The following DBN1 variants were observed in gnomAD, a reference collection of about 807,000 sequenced individuals.
DBN1 encodes the protein drebrin 1, also known as drebrin.
Under a neutral mutation model 83.5 loss-of-function variants are expected in DBN1, and 21 were observed. The ratio of observed to expected loss-of-function variants is 0.25; its 90% CI spans 0.18 to 0.36. The LOEUF is 0.36. DBN1 is among the 10% of genes least tolerant of loss of function. The probability of loss-of-function intolerance (pLI) is 1.00; values close to 1 mark genes in which losing one functional copy is unlikely to be tolerated. For synonymous variants in DBN1, 381 were observed against 384.9 expected, an observed-to-expected ratio of 0.99 and a Z score of 0.12; for missense variants, 874 against 935.7, an observed-to-expected ratio of 0.93 and a Z score of 0.86.
chr5:177,469,781 C>G (rs1359628104), intron 1 of DBN1, among the ~76,000 whole-genome samples: 1 of 152,200 alleles, frequency 6.6e-6, no homozygotes, highest in African/African-American at 2.4e-5. Flanking sequence ...TCACCCCATG[C>G]AGGCCCAGGC....
In DBN1 at chr5:177,459,320, C is replaced by T. The variant is rs770982243; in HGVS notation, c.1094-52G>A. 43 of 1,580,580 alleles carry T rather than the reference C, an allele frequency of 2.7e-5. No individual in the cohort carries two copies. In the South Asian group the frequency reaches 4.3e-4, roughly 16 times the overall value. On this transcript the variant is annotated intron_variant, in intron 11 of 14. Coordinates refer to ENST00000393565, the MANE Select transcript of DBN1 (RefSeq NM_001363541.2). ...GTGAGGGCGGGGGAGCCGGGTGAGA[C>T]AGGATTGTCCACCTTGGGGCCTGGC...
intron 8 of DBN1, among the ~76,000 whole-genome samples, chr5:177,464,545 G>A (rs1757275428): frequency 6.6e-6 from 1 of 151,778 alleles, no homozygotes; most frequent in African/African-American, 2.4e-5. Flanking sequence ...AGATCATGAG[G>A]TTAAGAGATC....
intron 8 of DBN1, among the ~76,000 whole-genome samples, chr5:177,464,680 G>A (rs1757297578): frequency 1.3e-5 from 2 of 152,014 alleles, no homozygotes. Context: ...GGTGGCTCAT[G>A]CCTGTAATCC....
intron 1 of DBN1, chr5:177,472,942 T>TC (rs1757955060): frequency 1.7e-6 from 1 of 594,196 alleles, no homozygotes; most frequent in Admixed American, 6.3e-5. Context: ...GCTCCGCTCC[T>TC]CCCCCGCCCT....
chr5:177,469,222 T>C (rs1757679488), intron 1 of DBN1, among the ~76,000 whole-genome samples: 1 of 152,100 alleles, frequency 6.6e-6, no homozygotes, highest in South Asian at 2.1e-4. Flanking sequence ...AAGGCGACGG[T>C]TCCTTGGTTA....
At position 177,460,716 on chromosome 5, in the gene DBN1, G is replaced by A; in HGVS notation, c.772-13C>T. ...CCCGATGGTCACCCTAGAAACCAAA[G>A]GGACAGTGTCTGGTGCACCTACCCC... is the stretch of plus-strand genomic sequence containing the variant. On this transcript the variant is annotated splice_polypyrimidine_tract_variant and intron_variant, in intron 8 of 14. Coordinates refer to ENST00000393565, the MANE Select transcript of DBN1 (RefSeq NM_001363541.2). The A allele has an allele frequency of 6.2e-7, 1 of 1,613,382 alleles. No individual in the cohort carries two copies. The highest frequency in any genetic ancestry group is 1.3e-5 in the African/African-American group (1 of 75,010).
chr5:177,464,806 G>T (rs1481373716), intron 8 of DBN1, among the ~76,000 whole-genome samples: 1 of 151,868 alleles, frequency 6.6e-6, no homozygotes, highest in African/African-American at 2.4e-5. Flanking sequence ...CAGGCGTGGT[G>T]GTGGGCGCCT....
At position 177,466,830 on chromosome 5, in the gene DBN1, T is replaced by A. The variant is rs200998763; in HGVS notation, c.713A>T (p.Lys238Ile). The change falls in exon 8 of 15, where the codon AAA becomes ATA. Residue 238 changes from lysine to isoleucine, a missense_variant. By Grantham distance (102) the Lys-to-Ile change is moderately radical (BLOSUM62 -3). Around this residue, in one of 4 missense-constraint regions of DBN1, gnomAD observed 725 missense variants for 719.7 expected, o/e 1.01. Coordinates refer to ENST00000393565, the MANE Select transcript of DBN1 (RefSeq NM_001363541.2). The surrounding 1 kb of genome is among the most constrained non-coding windows in gnomAD (Gnocchi z 4.8). ...REQQIEEHRR[K>I]QQTLEAEEAK... ...CTCTTCCGCTTCTAAAGTCTGCTGT[T>A]TCCTCCTGGAACGATAAGCAGCCAG... The A allele has an allele frequency of 1.2e-6, 2 of 1,614,088 alleles. No homozygotes were observed. Among genetic ancestry groups the A allele is most frequent in the African/African-American group, 2.7e-5 (2 of 75,028 alleles).
At chr5:177,465,790 G>A (rs931034334) in intron 8 of DBN1, among the ~76,000 whole-genome samples, 5 of 151,426 alleles carry the variant, frequency 3.3e-5, no homozygotes, top group Admixed American at 3.3e-4. Context: ...GGGAGATGGA[G>A]GTTGCAGTGA....
chr5:177,465,283 T>C (rs1454419912), intron 8 of DBN1, among the ~76,000 whole-genome samples: 1 of 152,264 alleles, frequency 6.6e-6, no homozygotes, highest in Non-Finnish European at 1.5e-5. Flanking sequence ...TGCTACAACA[T>C]GGATGAATCT....
At chr5:177,463,709 TAA>T (rs1255955781) in intron 8 of DBN1, among the ~76,000 whole-genome samples, 1 of 152,242 alleles carries the variant, frequency 6.6e-6, no homozygotes, top group African/African-American at 2.4e-5. Context: ...GATGGGACTA[TAA>T]AATAATGGTA....
rs773980990 is a variant in DBN1 at position 177,466,922 on chromosome 5, G to A, written c.696C>T (p.Ile232=). 1.9e-6 allele frequency: 3 copies of A among 1,612,824 alleles called. No individual in the cohort carries two copies. The highest frequency in any genetic ancestry group is 2.5e-6 in the Non-Finnish European group (3 of 1,179,756). The part of the protein sequence containing the change: ...ERRYREREQQ[I]EEHRRKQQTL... ...GCGGGCAGGCTCACCTGTGCTCCTC[G>A]ATCTGCTGCTCCCGCTCCCGGTAGC... The change falls in exon 7 of 15, where the codon ATC becomes ATT. Residue 232 remains isoleucine (I), a synonymous_variant. Coordinates refer to ENST00000393565, the MANE Select transcript of DBN1 (RefSeq NM_001363541.2). The surrounding 1 kb of genome is among the most constrained non-coding windows in gnomAD (Gnocchi z 4.8).
At position 177,466,809 on chromosome 5, in the gene DBN1, T is replaced by G. The variant is rs750201392; in HGVS notation, c.734A>C (p.Glu245Ala). 4 of 1,614,124 alleles carry G rather than the reference T, an allele frequency of 2.5e-6. No homozygotes were observed. The highest frequency in any genetic ancestry group is 3.4e-6 in the Non-Finnish European group (4 of 1,179,992). Residue 245 changes from glutamate (E) to alanine (A), a missense_variant, in exon 8 of 15, where the codon GAA becomes GCA. Around this residue, in one of 4 missense-constraint regions of DBN1, gnomAD observed 725 missense variants for 719.7 expected, o/e 1.01. Coordinates refer to ENST00000393565, the MANE Select transcript of DBN1 (RefSeq NM_001363541.2). The surrounding 1 kb of genome is among the most constrained non-coding windows in gnomAD (Gnocchi z 4.8). ...HRRKQQTLEA[E>A]EAKRRLKEQS... ...CTCCTTCAACCGCCTCTTGGCCTCTTCCGCTTCTAAAGTCTGCTGTTTCCT... is the reference window on the plus strand; with the variant it reads ...CTCCTTCAACCGCCTCTTGGCCTCTGCCGCTTCTAAAGTCTGCTGTTTCCT...
chr5:177,457,859 G>T (rs773210528), intron 13 of DBN1, 102 bp from the exon 14 acceptor site: 1 of 1,075,520 alleles, frequency 9.3e-7, no homozygotes, highest in South Asian at 1.4e-5. Context: ...TTCCATCAGT[G>T]GTTGCCAGGG....
intron 13 of DBN1, 141 bp downstream of exon 13, chr5:177,457,917 G>T (rs1756661267): frequency 1.6e-6 from 2 of 1,254,708 alleles, no homozygotes; most frequent in Non-Finnish European, 2.3e-6. Context: ...GGCCCAGGGA[G>T]GGAGGGTGGG....
In DBN1 at chr5:177,459,223, G is replaced by A. The variant is rs1756819784; in HGVS notation, c.1139C>T (p.Pro380Leu). Residue 380 changes from proline to leucine, a missense_variant, in exon 12 of 15, where the codon CCC (proline) becomes CTC (leucine). Physicochemically the swap from Pro to Leu is moderately conservative, Grantham distance 98 (BLOSUM62 -3). Transcript: ENST00000393565. ...SHRRMAPTPI[P>L]TRSPSDSSTA... ...GCTGGAGTCAGACGGGCTCCGCGTG[G>A]GGATGGGAGTGGGCGCCATCCTCCG... 2 of 1,611,214 alleles carry A rather than the reference G, an allele frequency of 1.2e-6. No individual in the cohort carries two copies. Among genetic ancestry groups the A allele is most frequent in the Non-Finnish European group, 1.7e-6 (2 of 1,179,182 alleles).
At position 177,459,456 on chromosome 5, in the gene DBN1, A is replaced by G. The variant is rs574208563; in HGVS notation, c.1093+147T>C. On this transcript the variant is annotated intron_variant, in intron 11 of 14. Transcript: ENST00000393565. ...CTAGGCCCCTGGAGGCCAGTGCCCC[A>G]TAAGGCCAGGGGCAAGAGGCAGGCA... 4.4e-4 allele frequency: 592 copies of G among 1,330,540 alleles called. 2 individuals carry two copies. In the African/African-American group the frequency reaches 8.1e-3, roughly 18 times the overall value. The allele number at this position is 1,330,540 out of a possible 1,614,324, so 82.4% of individuals were successfully genotyped here. A position where few individuals can be genotyped will look rare whatever the true frequency, so the allele number is the denominator to read the frequency against.
At chr5:177,472,839 A>T in intron 1 of DBN1, 1 of 985,506 alleles carries the variant, frequency 1.0e-6, no homozygotes, top group Non-Finnish European at 1.2e-6. Context: ...GTGGCAGCAA[A>T]CATCCTTCCA....
chr5:177,458,976 G>A (rs572124115), intron 12 of DBN1, 122 bp downstream of exon 12: 2 of 1,483,140 alleles, frequency 1.3e-6, no homozygotes, highest in East Asian at 2.4e-5. Flanking sequence ...GCCGCCTCCA[G>A]GGCAGTGCAG....
Sources: gnomAD v4.1 joint callset for allele counts (sites outside exome capture counted in the v4.1 genomes callset) on GRCh38, gnomAD v4.1.1 for gene constraint, gnomAD v4.1.1 regional missense constraint, Gnocchi (gnomAD v3.1) non-coding constraint, MANE v1.5 for transcripts, NCBI Gene and HGNC (gene_info 2026-07-23, HGNC 2026-07-21) for gene names.